Variants in SYMPK observed in about 807,000 individuals in gnomAD.
SYMPK encodes the protein symplekin scaffold protein.
Under a neutral mutation model 136.4 loss-of-function variants are expected in SYMPK, and 49 were observed. The observed-to-expected ratio is 0.36, with a 90% CI of 0.29 to 0.46. The LOEUF (loss-of-function observed/expected upper bound fraction) is 0.46, where lower values mean the gene tolerates loss of function less well. Ranked by LOEUF, SYMPK falls within the 20% of genes least tolerant of loss-of-function variation. The probability of loss-of-function intolerance (pLI) is 1.00; values close to 1 mark genes in which losing one functional copy is unlikely to be tolerated. For missense variants in SYMPK, 1,365 were observed against 1,690.0 expected, an observed-to-expected ratio of 0.81 and a Z score of 3.37; for synonymous variants, 766 against 713.0, an observed-to-expected ratio of 1.07 and a Z score of -1.19.
Position 45,818,071 on chromosome 19 carries a change from TC to T in SYMPK, c.2968del (p.Glu990SerfsTer10). 1 of 1,562,296 alleles carries T rather than the reference TC, an allele frequency of 6.4e-7. No homozygotes were observed. ...GAGCAGCATGGGCAGGGGGCTCTGC[TC>T]CATCAGCTGCTGCATCACCACGGCC... is the stretch of plus-strand genomic sequence containing the variant. Reference protein sequence around the residue: ...VLAVVMQQLMEQSPLPMLLMR... With the variant: ...VLAVVMQQLMXQSPLPMLLMR... On this transcript the variant is annotated frameshift_variant, in exon 23 of 27. Transcript: ENST00000245934. LOFTEE classifies it high-confidence loss of function.
chr19:45,826,641 G>A (rs544339368), intron 16 of SYMPK, among the ~76,000 whole-genome samples: 1 of 152,296 alleles, frequency 6.6e-6, no homozygotes, highest in South Asian at 2.1e-4. Context: ...CAAGCAGAGG[G>A]AGAGCTCCTC....
At chr19:45,849,007 G>A (rs1399188007) in intron 5 of SYMPK, 131 bp from the exon 6 acceptor site, 4 of 1,105,614 alleles carry the variant, frequency 3.6e-6, no homozygotes, top group Non-Finnish European at 4.0e-6. Context: ...CCAGAAGCTG[G>A]GAACAGTGCT....
chr19:45,828,219 G>T (rs929336574), intron 14 of SYMPK: 44 of 347,968 alleles, frequency 1.3e-4, no homozygotes, highest in Admixed American at 4.3e-4. Context: ...AAGGGTGTGG[G>T]TATTTTAGAT....
At chr19:45,817,431 T>C (rs1319956186) in intron 23 of SYMPK, among the ~76,000 whole-genome samples, 2 of 69,000 alleles carry the variant, frequency 2.9e-5, no homozygotes, top group East Asian at 3.2e-4. Context: ...TTTTTTTTTT[T>C]TTTTTTTTTT....
intron 9 of SYMPK, among the ~76,000 whole-genome samples, chr19:45,839,819 G>A (rs753514533): frequency 1.2e-4 from 18 of 151,294 alleles, no homozygotes; most frequent in Non-Finnish European, 2.1e-4. Flanking sequence ...GCAACAGAGC[G>A]AGACTCTGTC....
At chr19:45,856,465 G>A (rs1023630144) in intron 1 of SYMPK, among the ~76,000 whole-genome samples, 3 of 152,140 alleles carry the variant, frequency 2.0e-5, no homozygotes, top group African/African-American at 4.8e-5. Context: ...TACGCAGAAT[G>A]ACCTGAGGCA....
At chr19:45,826,603 A>G (rs144178945) in intron 16 of SYMPK, among the ~76,000 whole-genome samples, 3 of 152,200 alleles carry the variant, frequency 2.0e-5, no homozygotes, top group Non-Finnish European at 4.4e-5. Context: ...TCTGCCCATC[A>G]CTGCTTCTTG....
At chr19:45,820,933 T>C in intron 22 of SYMPK, 1 of 572,714 alleles carries the variant, frequency 1.7e-6, no homozygotes, top group South Asian at 2.2e-5. Context: ...AGGCGGCCAG[T>C]TCGTCACCAA....
intron 11 of SYMPK, 101 bp downstream of exon 11, chr19:45,834,977 T>C (rs1971270177): frequency 8.4e-7 from 1 of 1,188,040 alleles, no homozygotes; most frequent in Non-Finnish European, 1.1e-6. Context: ...AGCTCCCACA[T>C]GATTTTCAAC....
intron 12 of SYMPK, chr19:45,830,525 G>T: frequency 3.3e-6 from 1 of 306,514 alleles, no homozygotes. Context: ...CAGACTTGTG[G>T]GCACGAGTGG....
Position 45,830,186 on chromosome 19 carries a change from C to T in SYMPK, c.1617G>A (p.Gly539=), listed in dbSNP as rs372177278. Reference sequence around the variant, plus strand: ...CGCTGAGACGGAAAATTTTCTTGCGCCCACCAGCGCCTGCCAGCCTGTGTG... The same window carrying T: ...CGCTGAGACGGAAAATTTTCTTGCGTCCACCAGCGCCTGCCAGCCTGTGTG... ...VTQPRLAGAG[G]RKKIFRLSDV... is the part of the protein sequence containing the mutation. The change falls in exon 13 of 27, where the codon GGG becomes GGA. Residue 539 remains glycine, a synonymous_variant. Coordinates refer to ENST00000245934, the MANE Select transcript of SYMPK (RefSeq NM_004819.3). 192 of 1,610,086 alleles carry T rather than the reference C, an allele frequency of 1.2e-4. No individual in the cohort carries two copies. Among genetic ancestry groups the T allele is most frequent in the Non-Finnish European group, 1.5e-4 (178 of 1,178,066 alleles).
intron 5 of SYMPK, among the ~76,000 whole-genome samples, chr19:45,849,325 T>C (rs570934108): frequency 3.3e-5 from 5 of 152,238 alleles, no homozygotes; most frequent in Admixed American, 2.6e-4. Context: ...TAAAGCACTT[T>C]GTTTTCTGTA....
At chr19:45,831,107 A>G (rs1306505882) in intron 12 of SYMPK, 1 of 301,232 alleles carries the variant, frequency 3.3e-6, no homozygotes, top group Admixed American at 5.1e-5. Flanking sequence ...AACTAATTTA[A>G]TTCTTCTTTG....
At chr19:45,846,541 A>G (rs1971565377) in intron 7 of SYMPK, among the ~76,000 whole-genome samples, 1 of 152,228 alleles carries the variant, frequency 6.6e-6, no homozygotes, top group Non-Finnish European at 1.5e-5. Context: ...AAGGGAAAAT[A>G]GGCTGTGTGT....
intron 9 of SYMPK, among the ~76,000 whole-genome samples, chr19:45,839,725 G>A (rs558602426): frequency 7.9e-5 from 12 of 152,182 alleles, no homozygotes; most frequent in Non-Finnish European, 1.5e-4. Context: ...CCAGCTACTC[G>A]GGAGGCTGAG....
intron 16 of SYMPK, among the ~76,000 whole-genome samples, chr19:45,826,964 T>C (rs1237429470): frequency 6.6e-6 from 1 of 152,220 alleles, no homozygotes; most frequent in Non-Finnish European, 1.5e-5. Flanking sequence ...ACCCAGCTAC[T>C]GATTTTCCAG....
In SYMPK at chr19:45,839,264, C is replaced by T. The variant is rs188701397; in HGVS notation, c.1088-649G>A. On this transcript the variant is annotated intron_variant, in intron 9 of 26. Transcript: ENST00000245934. Reference sequence around the variant, plus strand: ...CTCGGTACCTAAGGGCACACCTGGGCTCAGACCTTGATTTCTGAAACTATT... The same window carrying T: ...CTCGGTACCTAAGGGCACACCTGGGTTCAGACCTTGATTTCTGAAACTATT... Among the ~76,000 whole-genome samples the T allele has an allele frequency of 2.6e-5, 4 of 152,288 alleles. No individual in the cohort carries two copies. In the East Asian group the frequency reaches 7.7e-4, roughly 29 times the overall value.
chr19:45,830,922 G>C (rs570503814), intron 12 of SYMPK: 1 of 147,796 alleles, frequency 6.8e-6, no homozygotes, highest in African/African-American at 2.5e-5. Context: ...ATAATAAAAA[G>C]ACTTGGGTGG....
chr19:45,862,429 G>C (rs960660601), intron 1 of SYMPK: 1 of 152,176 alleles, frequency 6.6e-6, no homozygotes, highest in Admixed American at 6.6e-5. Context: ...GGGCGTCTCC[G>C]GCGTGATTGG....
Sources: gnomAD v4.1 joint callset for allele counts (sites outside exome capture counted in the v4.1 genomes callset) on GRCh38, gnomAD v4.1.1 for gene constraint, MANE v1.5 for transcripts, NCBI Gene and HGNC (gene_info 2026-07-23, HGNC 2026-07-21) for gene names.